PLCH1: variants seen among roughly 807,000 people sequenced by gnomAD.
PLCH1 encodes the protein phospholipase C eta 1.
Under a neutral mutation model 126.7 loss-of-function variants are expected in PLCH1, and 60 were observed. That is an observed-to-expected ratio of 0.47 (90% confidence interval 0.38 to 0.59). The LOEUF (loss-of-function observed/expected upper bound fraction) is 0.59. Ranked by LOEUF, PLCH1 falls within the 20% of genes least tolerant of loss-of-function variation. The pLI, the probability that PLCH1 is intolerant of heterozygous loss-of-function variation, is 0.00. For missense variants in PLCH1, 1,723 were observed against 2,040.0 expected (o/e 0.84, Z 2.99); for synonymous variants, 719 against 734.9 (o/e 0.98, Z 0.35).
intron 1 of PLCH1, among the ~76,000 whole-genome samples, chr3:155,704,880 G>C (rs1394560825): frequency 6.6e-6 from 1 of 152,212 alleles, no homozygotes; most frequent in Non-Finnish European, 1.5e-5. Flanking sequence ...AGCAGTGCCT[G>C]CTCCTACATA....
intron 11 of PLCH1, among the ~76,000 whole-genome samples, chr3:155,520,547 G>A (rs1455250084): frequency 6.6e-6 from 1 of 152,168 alleles, no homozygotes; most frequent in African/African-American, 2.4e-5. Flanking sequence ...CAAGATAAAA[G>A]ACACTGCATA....
chr3:155,700,386 G>A (rs934313604), intron 2 of PLCH1, among the ~76,000 whole-genome samples: 1 of 152,124 alleles, frequency 6.6e-6, no homozygotes, highest in African/African-American at 2.4e-5. Flanking sequence ...AAGGCATACT[G>A]CATAAATATT....
chr3:155,622,771 T>C (rs1736688050), intron 2 of PLCH1, among the ~76,000 whole-genome samples: 1 of 152,124 alleles, frequency 6.6e-6, no homozygotes, highest in African/African-American at 2.4e-5. Flanking sequence ...AGCAAGTTCT[T>C]ATAGACCTAC....
At chr3:155,572,064 A>G (rs530853179) in intron 6 of PLCH1, among the ~76,000 whole-genome samples, 27 of 152,282 alleles carry the variant, frequency 1.8e-4, no homozygotes, top group African/African-American at 6.3e-4. Flanking sequence ...TGGTCTCTCA[A>G]GTTCCACATA....
chr3:155,483,900 T>C (rs1016453564), intron 22 of PLCH1, among the ~76,000 whole-genome samples: 1 of 152,106 alleles, frequency 6.6e-6, no homozygotes, highest in South Asian at 2.1e-4. Context: ...TTCAGAGTCA[T>C]GATATATAAG....
intron 10 of PLCH1, among the ~76,000 whole-genome samples, chr3:155,527,874 C>T (rs1163642836): frequency 1.4e-5 from 2 of 140,614 alleles, no homozygotes; most frequent in Non-Finnish European, 3.1e-5. Context: ...GAGCCAAGAT[C>T]GTCCCACTGC....
chr3:155,741,684 C>CTTTTATTTTTTTTTTATTTATT, intron 1 of PLCH1, among the ~76,000 whole-genome samples: 1 of 102,868 alleles, frequency 9.7e-6, no homozygotes, highest in South Asian at 3.2e-4. Flanking sequence ...TTTATATCCT[C>CTTTTATTTTTTTTTTATTTATT]TTTTTTTTTT....
At chr3:155,628,702 A>G (rs1737663064) in intron 2 of PLCH1, among the ~76,000 whole-genome samples, 1 of 152,152 alleles carries the variant, frequency 6.6e-6, no homozygotes, top group African/African-American at 2.4e-5. Context: ...GTGGTGGGTA[A>G]GGAAAGATAT....
intron 8 of PLCH1, among the ~76,000 whole-genome samples, chr3:155,563,064 C>T (rs1382113928): frequency 6.6e-6 from 1 of 152,192 alleles, no homozygotes; most frequent in African/African-American, 2.4e-5. Flanking sequence ...CTATTCCTTT[C>T]TAACCCTTTC....
chr3:155,660,356 T>C (rs1007352227), intron 2 of PLCH1, among the ~76,000 whole-genome samples: 2 of 152,240 alleles, frequency 1.3e-5, no homozygotes, highest in Non-Finnish European at 2.9e-5. Flanking sequence ...GAATACTGCA[T>C]ACACTGAAGG....
chr3:155,543,923 A>G (rs1221574354), intron 10 of PLCH1, among the ~76,000 whole-genome samples: 1 of 151,720 alleles, frequency 6.6e-6, no homozygotes, highest in East Asian at 1.9e-4. Context: ...AGTACCAGCC[A>G]CTGCAAAATC....
At chr3:155,621,618 C>G (rs1460688895) in intron 2 of PLCH1, among the ~76,000 whole-genome samples, 1 of 151,990 alleles carries the variant, frequency 6.6e-6, no homozygotes, top group African/African-American at 2.4e-5. Context: ...GAAGCATACA[C>G]AAGTATCAAT....
At chr3:155,739,562 C>G (rs1215565182) in intron 1 of PLCH1, among the ~76,000 whole-genome samples, 1 of 152,058 alleles carries the variant, frequency 6.6e-6, no homozygotes, top group African/African-American at 2.4e-5. Flanking sequence ...TTTCTTTACT[C>G]TCCAGACAGC....
chr3:155,522,281 A>T (rs1441898639), intron 11 of PLCH1, among the ~76,000 whole-genome samples: 4 of 152,218 alleles, frequency 2.6e-5, no homozygotes. Context: ...AAAAATAAAT[A>T]CCTAGAGGAG....
At chr3:155,725,677 T>C (rs1748268304) in intron 1 of PLCH1, among the ~76,000 whole-genome samples, 1 of 152,110 alleles carries the variant, frequency 6.6e-6, no homozygotes, top group Non-Finnish European at 1.5e-5. Flanking sequence ...TGACCTCAGG[T>C]GATCTGCCCG....
intron 14 of PLCH1, 114 bp downstream of exon 14, chr3:155,500,589 A>G (rs1204223199): frequency 2.2e-5 from 15 of 697,026 alleles, no homozygotes; most frequent in Admixed American, 1.2e-4. Flanking sequence ...TCGACAGCAC[A>G]GAATACTTTC....
intron 15 of PLCH1, among the ~76,000 whole-genome samples, chr3:155,495,379 A>G (rs1716891094): frequency 6.6e-6 from 1 of 152,142 alleles, no homozygotes; most frequent in African/African-American, 2.4e-5. Context: ...TACCATATCT[A>G]CAAAGCCCCC....
intron 2 of PLCH1, among the ~76,000 whole-genome samples, chr3:155,647,144 C>T (rs1189647949): frequency 1.3e-5 from 2 of 152,010 alleles, no homozygotes; most frequent in Admixed American, 6.6e-5. Context: ...GTATCAATGT[C>T]GTATCATGCA....
At chr3:155,551,792 G>A (rs1726185212) in intron 9 of PLCH1, among the ~76,000 whole-genome samples, 1 of 151,844 alleles carries the variant, frequency 6.6e-6, no homozygotes, top group Non-Finnish European at 1.5e-5. Flanking sequence ...GAGAGGAAAA[G>A]GCTGAACTTT....
Sources: allele counts gnomAD v4.1 joint callset (sites outside exome capture counted in the v4.1 genomes callset), GRCh38; gene constraint gnomAD v4.1.1; transcripts MANE v1.5; gene names NCBI Gene and HGNC (gene_info 2026-07-23, HGNC 2026-07-21).